Variants in FAT4 observed in about 807,000 individuals in gnomAD.
FAT4 encodes FAT atypical cadherin 4.
In FAT4, 84 loss-of-function variants were observed where a neutral mutation model predicts 303.9. The observed-to-expected ratio is 0.28, with a 90% confidence interval of 0.23 to 0.33. The LOEUF is 0.33. Ranked by LOEUF, FAT4 falls within the 10% of genes least tolerant of loss-of-function variation. The probability of loss-of-function intolerance (pLI) is 1.00; values close to 1 mark genes in which losing one functional copy is unlikely to be tolerated. For missense variants in FAT4, 6,005 were observed against 6,146.8 expected (o/e 0.98, Z 0.77); for synonymous variants, 2,307 against 2,298.8 (o/e 1.00, Z -0.10).
intron 2 of FAT4, among the ~76,000 whole-genome samples, chr4:125,332,159 CTTTTTTT>C (rs199702900): frequency 1.5e-5 from 2 of 133,304 alleles, no homozygotes; most frequent in Non-Finnish European, 3.2e-5. Flanking sequence ...CCGTTCCATT[CTTTTTTT>C]TTTTTTTTTT....
At chr4:125,414,733 A>G (rs1734971521) in intron 5 of FAT4, 151 bp from the exon 6 acceptor site, 4 of 576,472 alleles carry the variant, frequency 6.9e-6, no homozygotes, top group Non-Finnish European at 1.2e-5. Context: ...AATAGCAAGC[A>G]GTATATAGAT....
At chr4:125,332,376 T>C (rs983781449) in intron 2 of FAT4, among the ~76,000 whole-genome samples, 1 of 152,172 alleles carries the variant, frequency 6.6e-6, no homozygotes, top group African/African-American at 2.4e-5. Flanking sequence ...TCATCCACTA[T>C]TGTATTGTTG....
In FAT4 at chr4:125,351,922, G is replaced by A. The variant is rs567461239; in HGVS notation, c.5175+30336G>A. 1.3e-4 allele frequency among the ~76,000 whole-genome samples: 20 copies of A among 151,776 alleles called. 1 individual carries two copies. The East Asian group carries it at 3.9e-3, about 29-fold the overall frequency. ...CAAACTTGGTTTTGAGGAATACCAA[G>A]TAGGCACAGGATTTAAGGCAGAAAT... On this transcript the variant is annotated intron_variant, in intron 2 of 17. Transcript: ENST00000394329.
chr4:125,395,240 G>A (rs973889367), intron 2 of FAT4, among the ~76,000 whole-genome samples: 1 of 152,184 alleles, frequency 6.6e-6, no homozygotes, highest in African/African-American at 2.4e-5. Context: ...GTGGAGTAGA[G>A]AAAAGGGAAT....
chr4:125,348,049 A>G (rs972310754), intron 2 of FAT4, among the ~76,000 whole-genome samples: 7 of 151,812 alleles, frequency 4.6e-5, no homozygotes, highest in Admixed American at 1.3e-4. Flanking sequence ...CAGAGTTCAA[A>G]TTTCACATCA....
At position 125,490,407 on chromosome 4, in the gene FAT4, T is replaced by C; in HGVS notation, c.13591T>C (p.Cys4531Arg). The C allele has an allele frequency of 1.2e-6, 2 of 1,613,962 alleles. No individual in the cohort carries two copies. The highest frequency in any genetic ancestry group is 1.7e-6 in the Non-Finnish European group (2 of 1,180,012). The part of the protein sequence containing the change: ...LVLSLILCNQ[C>R]RGKKAKNPKE... ...CCTTAGCCTGATCCTGTGTAACCAG[T>C]GCAGGGGGAAGAAGGCCAAAAATCC... The change falls in exon 18 of 18, where the codon TGC (cysteine) becomes CGC (arginine). Residue 4531 changes from cysteine (C) to arginine (R), a missense_variant. Transcript: ENST00000394329.
intron 2 of FAT4, among the ~76,000 whole-genome samples, chr4:125,361,705 T>C (rs932645925): frequency 2.6e-5 from 4 of 152,020 alleles, no homozygotes; most frequent in Admixed American, 2.0e-4. Context: ...TTTCAGAAAA[T>C]AGAATAGAGG....
intron 16 of FAT4, among the ~76,000 whole-genome samples, chr4:125,483,612 G>A (rs1161533323): frequency 1.3e-5 from 2 of 152,038 alleles, no homozygotes; most frequent in African/African-American, 4.8e-5. Flanking sequence ...TGTTAGCTTG[G>A]TAGCAATAAC....
chr4:125,401,898 C>T (rs1734403125), intron 3 of FAT4, among the ~76,000 whole-genome samples: 1 of 151,752 alleles, frequency 6.6e-6, no homozygotes, highest in Non-Finnish European at 1.5e-5. Context: ...TGTGGTTCAT[C>T]CGGAGAGCAG....
chr4:125,432,903 T>C (rs947145174), intron 7 of FAT4, among the ~76,000 whole-genome samples: 6 of 152,174 alleles, frequency 3.9e-5, no homozygotes, highest in African/African-American at 1.2e-4. Flanking sequence ...TGCTTCTTTA[T>C]TGTGCTCTGC....
rs531886785 is a variant in FAT4 at position 125,448,516 on chromosome 4, A to C, written c.7506A>C (p.Glu2502Asp). 6.2e-7 allele frequency: 1 copy of C among 1,613,470 alleles called. No homozygotes were observed. Among genetic ancestry groups the C allele is most frequent in the Non-Finnish European group, 8.5e-7 (1 of 1,179,698 alleles). The change falls in exon 10 of 18, where the codon GAA becomes GAC. Residue 2502 changes from glutamate to aspartate, a missense_variant. Glu to Asp is a conservative substitution (Grantham distance 45, BLOSUM62 2). Coordinates refer to ENST00000394329, the MANE Select transcript of FAT4 (RefSeq NM_001291303.3). ...VTDADIGPNS[E>D]LHYSLSGRNS... ...ATGCTGATATTGGACCAAATTCTGA[A>C]CTGCATTATTCTCTTTCGGGTAGAA...
At chr4:125,351,087 GTGAT>G (rs1452162572) in intron 2 of FAT4, among the ~76,000 whole-genome samples, 1 of 151,678 alleles carries the variant, frequency 6.6e-6, no homozygotes, top group Non-Finnish European at 1.5e-5. Flanking sequence ...GCCGCGTGAT[GTGAT>G]TGATTGGTTA....
Position 125,367,168 on chromosome 4 carries a change from T to C in FAT4, c.5176-31616T>C, listed in dbSNP as rs1732918176. Among the ~76,000 whole-genome samples, 4 of 152,230 alleles carry C rather than the reference T, an allele frequency of 2.6e-5. No individual in the cohort carries two copies. The South Asian group carries it at 8.3e-4, about 32-fold the overall frequency. On this transcript the variant is annotated intron_variant, in intron 2 of 17. Transcript: ENST00000394329. ...TTTAGCATCGCAAATATGCATCAAA[T>C]GTTATCAATTTATTTTACCACATTG...
At position 125,490,482 on chromosome 4, in the gene FAT4, G is replaced by A. The variant is rs755666152; in HGVS notation, c.13666G>A (p.Val4556Ile). The change falls in exon 18 of 18, where the codon GTT (valine) becomes ATT (isoleucine). Residue 4556 changes from valine to isoleucine, a missense_variant. Val to Ile is a conservative substitution (Grantham distance 29). Coordinates refer to ENST00000394329, the MANE Select transcript of FAT4 (RefSeq NM_001291303.3). ...GAAGAAGAAAAAGGGAAGTGAGAAC[G>A]TTGCTTTTGATGACCCTGACAATAT... ...KEKKKKGSEN[V>I]AFDDPDNIPP... 4.0e-5 allele frequency: 64 copies of A among 1,614,022 alleles called. No individual in the cohort carries two copies. The highest frequency in any genetic ancestry group is 3.3e-4 in the Middle Eastern group (2 of 6,084).
chr4:125,406,028 A>G (rs1734590822), intron 3 of FAT4, among the ~76,000 whole-genome samples: 1 of 152,106 alleles, frequency 6.6e-6, no homozygotes, highest in Non-Finnish European at 1.5e-5. Flanking sequence ...TTAGTTTGAT[A>G]TACTTTCACT....
intron 2 of FAT4, among the ~76,000 whole-genome samples, chr4:125,378,050 A>AT (rs138186366): frequency 0.092 from 13,954 of 152,138 alleles, 721 homozygotes; most frequent in Middle Eastern, 0.18. Context: ...TATTTAGACA[A>AT]TTAAAAACTT....
At chr4:125,379,027 T>A (rs1464415235) in intron 2 of FAT4, among the ~76,000 whole-genome samples, 1 of 152,002 alleles carries the variant, frequency 6.6e-6, no homozygotes, top group Non-Finnish European at 1.5e-5. Flanking sequence ...ATCTACACAA[T>A]GCTCAACAGA....
chr4:125,477,099 A>G, intron 13 of FAT4, 56 bp from the exon 14 acceptor site: 5 of 1,259,832 alleles, frequency 4.0e-6, no homozygotes, highest in Non-Finnish European at 5.2e-6. Flanking sequence ...ACTAAACATT[A>G]TACTAAAAAT....
At chr4:125,452,912 C>A in intron 10 of FAT4, 102 bp downstream of exon 10, 2 of 1,342,532 alleles carry the variant, frequency 1.5e-6, no homozygotes, top group Non-Finnish European at 2.0e-6. Flanking sequence ...TATAAATGAG[C>A]ATAATAGTAA....
Sources: gnomAD v4.1 joint callset for allele counts (sites outside exome capture counted in the v4.1 genomes callset) on GRCh38, gnomAD v4.1.1 for gene constraint, MANE v1.5 for transcripts, NCBI Gene and HGNC (gene_info 2026-07-23, HGNC 2026-07-21) for gene names.